The following PSD3 variants were observed in gnomAD, a reference collection of about 807,000 sequenced individuals.
PSD3 encodes pleckstrin and Sec7 domain containing 3.
Under a neutral mutation model 105.5 loss-of-function variants are expected in PSD3, and 49 were observed. The observed-to-expected ratio is 0.46, with a 90% CI of 0.37 to 0.59. PSD3 has a LOEUF of 0.59. Ranked by LOEUF, PSD3 falls within the 20% of genes least tolerant of loss-of-function variation. The pLI, the probability that PSD3 is intolerant of heterozygous loss-of-function variation, is 0.00. For missense variants in PSD3, 1,561 were observed against 1,263.8 expected (o/e 1.24, Z -3.57); for synonymous variants, 557 against 457.8 (o/e 1.22, Z -2.77).
intron 1 of PSD3, among the ~76,000 whole-genome samples, chr8:18,946,165 A>C (rs1294976764): frequency 2.0e-5 from 3 of 152,172 alleles, no homozygotes; most frequent in Non-Finnish European, 4.4e-5. Flanking sequence ...AAGACTTTCC[A>C]CTATAATTAA....
At chr8:18,567,492 T>C (rs573408006) in intron 14 of PSD3, among the ~76,000 whole-genome samples, 4 of 152,192 alleles carry the variant, frequency 2.6e-5, no homozygotes, top group African/African-American at 9.6e-5. Flanking sequence ...TTCCTTTTCT[T>C]TTAAAGTTGT....
chr8:18,689,303 G>C (rs1456209632), intron 9 of PSD3, among the ~76,000 whole-genome samples: 2 of 152,134 alleles, frequency 1.3e-5, no homozygotes, highest in African/African-American at 4.8e-5. Context: ...AATATCTTCA[G>C]AGTATCAATG....
chr8:18,696,660 TATG>T (rs1326695574), intron 9 of PSD3, among the ~76,000 whole-genome samples: 1 of 152,224 alleles, frequency 6.6e-6, no homozygotes, highest in African/African-American at 2.4e-5. Context: ...CTCATCAAGA[TATG>T]ATGAGCTTCC....
intron 1 of PSD3, among the ~76,000 whole-genome samples, chr8:19,033,324 C>T (rs748383940): frequency 6.6e-6 from 1 of 152,104 alleles, no homozygotes; most frequent in Non-Finnish European, 1.5e-5. Context: ...TCCGCCTCTA[C>T]TGTTATAGTT....
At chr8:19,040,493 A>G (rs972287) in intron 1 of PSD3, among the ~76,000 whole-genome samples, 16,731 of 152,254 alleles carry the variant, frequency 0.11, 1,002 homozygotes, top group African/African-American at 0.16. Context: ...GGCGTGAGCC[A>G]CTGCATTTGG....
chr8:18,765,147 TA>T (rs1235516994), intron 9 of PSD3, among the ~76,000 whole-genome samples: 3 of 152,210 alleles, frequency 2.0e-5, no homozygotes, highest in Non-Finnish European at 4.4e-5. Context: ...GGATCTTTCT[TA>T]AATTCTGATA....
At chr8:18,658,059 G>A (rs1418616248) in intron 9 of PSD3, among the ~76,000 whole-genome samples, 1 of 152,306 alleles carries the variant, frequency 6.6e-6, no homozygotes, top group Non-Finnish European at 1.5e-5. Context: ...ATCTCATGAA[G>A]ATAATCTATT....
At position 18,824,996 on chromosome 8, in the gene PSD3, C is replaced by T. The variant is rs556351833; in HGVS notation, c.1635-20098G>A. ...GAAAAATCAAAGCTATAAAAAAATA[C>T]ACACATACAATGTTTTAACTTTCCA... On this transcript the variant is annotated intron_variant, in intron 4 of 15. Transcript: ENST00000327040. 1.1e-4 allele frequency among the ~76,000 whole-genome samples: 16 copies of T among 152,250 alleles called. 1 individual carries two copies. The highest frequency in any genetic ancestry group is 3.9e-4 in the African/African-American group (16 of 41,546).
At chr8:18,930,435 G>A (rs571089964) in intron 2 of PSD3, among the ~76,000 whole-genome samples, 18 of 152,280 alleles carry the variant, frequency 1.2e-4, no homozygotes, top group South Asian at 8.3e-4. Context: ...CAGTGAAACC[G>A]GAGGACAGGC....
chr8:19,008,475 T>C (rs563588842), intron 1 of PSD3, among the ~76,000 whole-genome samples: 9 of 152,196 alleles, frequency 5.9e-5, no homozygotes, highest in Non-Finnish European at 1.0e-4. Flanking sequence ...GTCTGTGCCA[T>C]CACTCTTATA....
intron 2 of PSD3, among the ~76,000 whole-genome samples, chr8:18,921,198 C>T (rs1390662345): frequency 6.6e-6 from 1 of 152,152 alleles, no homozygotes; most frequent in Admixed American, 6.5e-5. Flanking sequence ...ATTCAATTGG[C>T]AGTGGTTCCT....
intron 2 of PSD3, among the ~76,000 whole-genome samples, chr8:18,899,767 T>C (rs953053713): frequency 2.0e-5 from 3 of 152,232 alleles, no homozygotes; most frequent in East Asian, 1.9e-4. Context: ...GAGTTCTTGT[T>C]GTTCAGGTCT....
intron 7 of PSD3, among the ~76,000 whole-genome samples, chr8:18,800,234 T>TA (rs1810561560): frequency 6.6e-6 from 1 of 152,204 alleles, no homozygotes; most frequent in African/African-American, 2.4e-5. Flanking sequence ...AAGAAGGTTC[T>TA]AATAAAAATG....
intron 9 of PSD3, among the ~76,000 whole-genome samples, chr8:18,672,923 T>G (rs957429412): frequency 6.6e-6 from 1 of 152,190 alleles, no homozygotes; most frequent in Admixed American, 6.5e-5. Flanking sequence ...TGGAAATTAT[T>G]CCAGTCTCGT....
intron 2 of PSD3, among the ~76,000 whole-genome samples, chr8:18,892,092 T>A (rs1209137083): frequency 6.6e-6 from 1 of 152,098 alleles, no homozygotes; most frequent in African/African-American, 2.4e-5. Context: ...AGTCACTCTT[T>A]TACATTATTT....
At chr8:18,727,122 GGACAGGTATTCAA>G (rs1803381197) in intron 9 of PSD3, among the ~76,000 whole-genome samples, 1 of 151,984 alleles carries the variant, frequency 6.6e-6, no homozygotes, top group Non-Finnish European at 1.5e-5. Flanking sequence ...TGAACCATGA[GGACAGGTATTCAA>G]GACCAGCTTG....
chr8:18,891,034 A>C (rs1314670687), intron 2 of PSD3, among the ~76,000 whole-genome samples: 1 of 152,198 alleles, frequency 6.6e-6, no homozygotes, highest in Non-Finnish European at 1.5e-5. Context: ...ATCTCACAGC[A>C]GGTCTCTGTC....
At chr8:18,669,911 T>A (rs576948028) in intron 9 of PSD3, among the ~76,000 whole-genome samples, 3 of 152,356 alleles carry the variant, frequency 2.0e-5, no homozygotes, top group African/African-American at 7.2e-5. Flanking sequence ...ATTCATTTAT[T>A]CATTCATATA....
At chr8:18,773,825 A>G (rs1188862172) in intron 8 of PSD3, among the ~76,000 whole-genome samples, 4 of 152,222 alleles carry the variant, frequency 2.6e-5, no homozygotes, top group Non-Finnish European at 5.9e-5. Flanking sequence ...GATTCTGTGG[A>G]ATCTGAAGAT....
Sources: allele counts gnomAD v4.1 joint callset (sites outside exome capture counted in the v4.1 genomes callset), GRCh38; gene constraint gnomAD v4.1.1; transcripts MANE v1.5; gene names NCBI Gene and HGNC (gene_info 2026-07-23, HGNC 2026-07-21).